Variants in SEMA3C observed in about 807,000 individuals in gnomAD.
SEMA3C encodes semaphorin-3C.
SEMA3C carries 47 observed loss-of-function variants against 89.4 expected under a neutral mutation model. That is an observed-to-expected ratio of 0.53 (90% CI 0.42 to 0.67). The LOEUF (loss-of-function observed/expected upper bound fraction) is 0.67. Ranked by LOEUF, SEMA3C falls within the 30% of genes least tolerant of loss-of-function variation. The pLI is 0.00. For missense variants in SEMA3C, 839 were observed against 929.1 expected, an observed-to-expected ratio of 0.90 and a Z score of 1.26; for synonymous variants, 310 against 320.2, an observed-to-expected ratio of 0.97 and a Z score of 0.34.
At chr7:80,870,249 T>C (rs1266736210) in intron 2 of SEMA3C, among the ~76,000 whole-genome samples, 1 of 152,174 alleles carries the variant, frequency 6.6e-6, no homozygotes, top group African/African-American at 2.4e-5. Flanking sequence ...TTCTCATGTG[T>C]CCAAAGTCCA....
At chr7:80,862,196 A>C (rs1490727165) in intron 2 of SEMA3C, among the ~76,000 whole-genome samples, 2 of 152,126 alleles carry the variant, frequency 1.3e-5, no homozygotes, top group East Asian at 3.9e-4. Context: ...TGAAAACCCT[A>C]AAGACTCCAG....
At chr7:80,837,080 A>C (rs757728902) in intron 2 of SEMA3C, among the ~76,000 whole-genome samples, 3 of 152,188 alleles carry the variant, frequency 2.0e-5, no homozygotes, top group Non-Finnish European at 4.4e-5. Context: ...TTGGGGCTGA[A>C]GCAAGTCTGA....
At chr7:80,773,943 C>A (rs1194676359) in intron 12 of SEMA3C, among the ~76,000 whole-genome samples, 4 of 152,190 alleles carry the variant, frequency 2.6e-5, no homozygotes, top group African/African-American at 9.6e-5. Context: ...GTTCTTGCCT[C>A]AGTCAGATCT....
At chr7:80,864,283 T>C (rs370958310) in intron 2 of SEMA3C, among the ~76,000 whole-genome samples, 1 of 152,078 alleles carries the variant, frequency 6.6e-6, no homozygotes, top group African/African-American at 2.4e-5. Flanking sequence ...ACTGCAAGTA[T>C]GGTGCAGTGT....
rs144313736 is a variant in SEMA3C at position 80,915,147 on chromosome 7, CTCTTT to C, written c.103+1527_103+1531del. Among the ~76,000 whole-genome samples, 255 of 152,290 alleles carry C rather than the reference CTCTTT, an allele frequency of 1.7e-3. 3 individuals carry two copies. The East Asian group carries it at 0.025, about 15-fold the overall frequency. On this transcript the variant is annotated intron_variant, in intron 2 of 17. Coordinates refer to ENST00000265361, the MANE Select transcript of SEMA3C (RefSeq NM_006379.5). The stretch of plus-strand genomic sequence containing the variant: ...ATTGCACTACTTCTTAATGCCCTTT[CTCTTT>C]TATTTGAAAACGTATTTCATAGTTC...
At chr7:80,913,387 C>A (rs926401218) in intron 2 of SEMA3C, among the ~76,000 whole-genome samples, 2 of 151,932 alleles carry the variant, frequency 1.3e-5, no homozygotes, top group Admixed American at 6.6e-5. Flanking sequence ...GGAGGCAGAG[C>A]GAGACTCTGT....
chr7:80,860,251 T>C (rs1790739697), intron 2 of SEMA3C, among the ~76,000 whole-genome samples: 1 of 152,196 alleles, frequency 6.6e-6, no homozygotes. Flanking sequence ...TTTAATGGTA[T>C]AAATTTATAA....
In SEMA3C at chr7:80,751,317, C is replaced by T; in HGVS notation, c.1663G>A (p.Val555Met). 2 of 1,613,962 alleles carry T rather than the reference C, an allele frequency of 1.2e-6. No individual in the cohort carries two copies. Among genetic ancestry groups the T allele is most frequent in the Non-Finnish European group, 1.7e-6 (2 of 1,179,906 alleles). The change falls in exon 16 of 18, where the codon GTG becomes ATG. Residue 555 changes from valine (V) to methionine (M), a missense_variant. Val to Met is a conservative substitution (Grantham distance 21, BLOSUM62 1). Transcript: ENST00000265361. ...TGAGTCAGTGGGTTTCCATGTCTCA[C>T]ATCTTGTCTTCGGCTCCTCCTGCAA... ...TGKRRSRRQD[V>M]RHGNPLTQCR...
At chr7:80,802,263 A>G (rs1789226515) in intron 9 of SEMA3C, among the ~76,000 whole-genome samples, 2 of 152,072 alleles carry the variant, frequency 1.3e-5, no homozygotes, top group African/African-American at 4.8e-5. Context: ...TCCAAACTCT[A>G]TCCTGTCCAT....
At position 80,742,915 on chromosome 7, in the gene SEMA3C, T is replaced by C. The variant is rs1047882352; in HGVS notation, c.*1979A>G. 2.6e-5 allele frequency: 4 copies of C among 151,966 alleles called. No homozygotes were observed. Among genetic ancestry groups the C allele is most frequent in the African/African-American group, 7.2e-5 (3 of 41,442 alleles). The allele number at this position is 151,966 out of a possible 1,614,324, so 9.4% of individuals were successfully genotyped here. A position where few individuals can be genotyped will look rare whatever the true frequency, so the allele number is the denominator to read the frequency against. On this transcript the variant is annotated 3_prime_UTR_variant, in exon 18 of 18. Transcript: ENST00000265361. ...AGTAATGAAAGTGTACACAATTTAATAATTGTGAAAATAGAAAGAATTAAA... is the reference window on the plus strand; with the variant it reads ...AGTAATGAAAGTGTACACAATTTAACAATTGTGAAAATAGAAAGAATTAAA...
At chr7:80,857,502 A>C (rs907040370) in intron 2 of SEMA3C, among the ~76,000 whole-genome samples, 2 of 152,208 alleles carry the variant, frequency 1.3e-5, no homozygotes, top group Non-Finnish European at 2.9e-5. Flanking sequence ...ATTAGACAAA[A>C]TATTTGCTTC....
intron 2 of SEMA3C, among the ~76,000 whole-genome samples, chr7:80,868,712 G>T (rs1268668959): frequency 2.0e-5 from 3 of 152,096 alleles, no homozygotes; most frequent in Admixed American, 2.0e-4. Context: ...TTTGGGGTAG[G>T]GGGAGGAGGG....
chr7:80,895,824 G>T (rs943393685), intron 2 of SEMA3C, among the ~76,000 whole-genome samples: 3 of 151,620 alleles, frequency 2.0e-5, no homozygotes, highest in Non-Finnish European at 4.4e-5. Context: ...TTCAATTTAG[G>T]GCTGTCTAAA....
chr7:80,836,510 T>A (rs1477444266), intron 2 of SEMA3C, among the ~76,000 whole-genome samples: 1 of 152,054 alleles, frequency 6.6e-6, no homozygotes, highest in Admixed American at 6.6e-5. Flanking sequence ...AAACCCCATC[T>A]CTACCAAAAA....
rs148592776 is a variant in SEMA3C, at chr7:80,828,850, AT to A, written c.104-106del. 3,134 of 870,486 alleles carry A rather than the reference AT, an allele frequency of 3.6e-3. 62 individuals carry two copies. The African/African-American group carries it at 0.046, about 13-fold the overall frequency. 53.9% of individuals were successfully genotyped at this position (870,486 alleles called of 1,614,324 possible). On this transcript the variant is annotated intron_variant, in intron 2 of 17. Transcript: ENST00000265361. ...AATATTCCAAAAAATGTCAAGGTAC[AT>A]TTTCTTCTACAGTAAGAAATTAATT...
chr7:80,820,250 C>T (rs999733049), intron 4 of SEMA3C, among the ~76,000 whole-genome samples: 6 of 151,494 alleles, frequency 4.0e-5, no homozygotes, highest in African/African-American at 1.2e-4. Context: ...TTAGTAGAGA[C>T]GGGGTTTCAC....
In SEMA3C at chr7:80,768,805, TG is replaced by T. The variant is rs1562866828; in HGVS notation, c.1355-3563del. Reference sequence around the variant, plus strand: ...CAAGATTTGTGTGTGTGTGTGTGTGTGTCAATGACCACAGGCATGTGTGTGC... The same window carrying T: ...CAAGATTTGTGTGTGTGTGTGTGTGTTCAATGACCACAGGCATGTGTGTGC... On this transcript the variant is annotated intron_variant, in intron 12 of 17. Coordinates refer to ENST00000265361, the MANE Select transcript of SEMA3C (RefSeq NM_006379.5). 5.9e-5 allele frequency among the ~76,000 whole-genome samples: 9 copies of T among 152,282 alleles called. No homozygotes were observed. In the South Asian group the frequency reaches 1.9e-3, roughly 32 times the overall value.
At chr7:80,847,514 G>A (rs1373805045) in intron 2 of SEMA3C, among the ~76,000 whole-genome samples, 4 of 152,050 alleles carry the variant, frequency 2.6e-5, no homozygotes, top group Non-Finnish European at 5.9e-5. Context: ...ATTATGGACT[G>A]GTAATTACTG....
At chr7:80,819,987 G>A (rs956972950) in intron 4 of SEMA3C, among the ~76,000 whole-genome samples, 3 of 149,590 alleles carry the variant, frequency 2.0e-5, no homozygotes, top group Non-Finnish European at 4.5e-5. Flanking sequence ...AAAGTTAACA[G>A]TAATTTTTCC....
Sources: gnomAD v4.1 joint callset for allele counts (sites outside exome capture counted in the v4.1 genomes callset) on GRCh38, gnomAD v4.1.1 for gene constraint, MANE v1.5 for transcripts, NCBI Gene and HGNC (gene_info 2026-07-23, HGNC 2026-07-21) for gene names.